SYT1: variants seen among roughly 807,000 people sequenced by gnomAD.
The protein encoded by SYT1 is synaptotagmin-1.
SYT1 carries 8 observed loss-of-function variants against 44.8 expected under a neutral mutation model. The ratio of observed to expected loss-of-function variants is 0.18; its 90% CI spans 0.10 to 0.32. The LOEUF is 0.32. SYT1 is among the 10% of genes least tolerant of loss of function. The pLI is 1.00. For missense variants in SYT1, 286 were observed against 509.3 expected, an observed-to-expected ratio of 0.56 and a Z score of 4.22; for synonymous variants, 154 against 188.8, an observed-to-expected ratio of 0.82 and a Z score of 1.51.
At chr12:79,213,066 A>C (rs1005830663) in intron 3 of SYT1, among the ~76,000 whole-genome samples, 1 of 152,142 alleles carries the variant, frequency 6.6e-6, no homozygotes, top group African/African-American at 2.4e-5. Flanking sequence ...GTGGTTTTTC[A>C]AACTGCAGGT....
chr12:79,153,838 C>T (rs1870427347), intron 3 of SYT1, among the ~76,000 whole-genome samples: 1 of 152,002 alleles, frequency 6.6e-6, no homozygotes, highest in Admixed American at 6.6e-5. Context: ...ATTTGAGGTT[C>T]AGAAATAAAA....
intron 4 of SYT1, among the ~76,000 whole-genome samples, chr12:79,260,073 A>G (rs1285479796): frequency 1.3e-5 from 2 of 152,204 alleles, no homozygotes; most frequent in Admixed American, 6.5e-5. Context: ...GATTTCTCTG[A>G]AACTGGAGAG....
intron 3 of SYT1, among the ~76,000 whole-genome samples, chr12:79,065,899 G>C (rs867501968): frequency 2.0e-5 from 3 of 151,776 alleles, no homozygotes; most frequent in Non-Finnish European, 4.4e-5. Context: ...TAAAAATTAC[G>C]GGGGGGAAGG....
chr12:79,356,144 GGAGA>G (rs150112488), intron 9 of SYT1, among the ~76,000 whole-genome samples: 3,350 of 151,642 alleles, frequency 0.022, 119 homozygotes, highest in African/African-American at 0.071. Context: ...GGGGCTTCTG[GGAGA>G]GAGAACAGCC....
chr12:78,932,150 C>A (rs1269640281), intron 1 of SYT1, among the ~76,000 whole-genome samples: 5 of 152,152 alleles, frequency 3.3e-5, no homozygotes, highest in Non-Finnish European at 7.4e-5. Flanking sequence ...TTTCATTCTT[C>A]CCCTGAATCT....
chr12:79,382,834 C>T (rs568227332), intron 9 of SYT1, among the ~76,000 whole-genome samples: 1 of 152,296 alleles, frequency 6.6e-6, no homozygotes, highest in East Asian at 1.9e-4. Flanking sequence ...GCAGTCCCCA[C>T]TTTGAATTAC....
chr12:78,931,474 A>C (rs1330098021), intron 1 of SYT1, among the ~76,000 whole-genome samples: 2 of 151,994 alleles, frequency 1.3e-5, no homozygotes, highest in Non-Finnish European at 2.9e-5. Context: ...AAAAAGAAAG[A>C]AAGAAAGAAA....
intron 8 of SYT1, among the ~76,000 whole-genome samples, chr12:79,336,460 A>AT: frequency 6.6e-6 from 1 of 150,382 alleles, no homozygotes; most frequent in African/African-American, 2.4e-5. Context: ...ATCTTTCTCT[A>AT]TTTTTCCTAC....
intron 4 of SYT1, among the ~76,000 whole-genome samples, chr12:79,264,106 ATAT>A (rs1025223907): frequency 6.6e-6 from 1 of 152,090 alleles, no homozygotes; most frequent in African/African-American, 2.4e-5. Context: ...TTGGGCAGTC[ATAT>A]TATTTTCTGT....
intron 2 of SYT1, among the ~76,000 whole-genome samples, chr12:79,001,239 C>T (rs1208581060): frequency 6.6e-6 from 1 of 150,396 alleles, no homozygotes; most frequent in Non-Finnish European, 1.5e-5. Context: ...ATTCTTTACA[C>T]ATTATGAAGT....
chr12:79,439,673 T>A (rs1870292066), intron 9 of SYT1, among the ~76,000 whole-genome samples: 1 of 152,174 alleles, frequency 6.6e-6, no homozygotes, highest in African/African-American at 2.4e-5. Context: ...ATGTGGTAAC[T>A]CAATTTAATT....
chr12:79,077,322 C>T (rs1194895184), intron 3 of SYT1, among the ~76,000 whole-genome samples: 1 of 152,192 alleles, frequency 6.6e-6, no homozygotes, highest in Non-Finnish European at 1.5e-5. Flanking sequence ...TTCCATGATA[C>T]AGTGCATTCA....
chr12:79,155,948 T>G (rs1870567101), intron 3 of SYT1, among the ~76,000 whole-genome samples: 1 of 152,212 alleles, frequency 6.6e-6, no homozygotes, highest in African/African-American at 2.4e-5. Context: ...CAGCCATTGT[T>G]ACATGTGTGG....
intron 4 of SYT1, among the ~76,000 whole-genome samples, chr12:79,262,885 CA>C (rs1227874786): frequency 1.3e-5 from 2 of 152,012 alleles, no homozygotes; most frequent in Non-Finnish European, 2.9e-5. Context: ...AACAAATAGG[CA>C]AAAAAGCAGC....
intron 3 of SYT1, among the ~76,000 whole-genome samples, chr12:79,208,629 A>G (rs559248274): frequency 1.3e-5 from 2 of 152,164 alleles, no homozygotes; most frequent in Non-Finnish European, 2.9e-5. Context: ...AAGAAGGAAG[A>G]GAGAAGACAT....
At chr12:79,394,726 A>G (rs1413423753) in intron 9 of SYT1, among the ~76,000 whole-genome samples, 4 of 152,234 alleles carry the variant, frequency 2.6e-5, no homozygotes, top group East Asian at 1.9e-4. Context: ...GAATTCATCA[A>G]AAACAGGTTT....
chr12:78,968,268 G>A (rs965295278), intron 1 of SYT1, among the ~76,000 whole-genome samples: 1 of 152,034 alleles, frequency 6.6e-6, no homozygotes, highest in Non-Finnish European at 1.5e-5. Context: ...CGGATTAGGA[G>A]TCTATTAGGT....
At chr12:79,408,708 T>A (rs921728231) in intron 9 of SYT1, among the ~76,000 whole-genome samples, 1 of 151,184 alleles carries the variant, frequency 6.6e-6, no homozygotes, top group African/African-American at 2.4e-5. Flanking sequence ...CTAGACCACA[T>A]TTTTTTCTTT....
intron 3 of SYT1, among the ~76,000 whole-genome samples, chr12:79,126,876 A>G (rs943536466): frequency 5.3e-5 from 8 of 152,180 alleles, no homozygotes; most frequent in Non-Finnish European, 1.0e-4. Flanking sequence ...TATGGTGTCT[A>G]TACTGAATTC....
Sources: gnomAD v4.1 joint callset for allele counts (sites outside exome capture counted in the v4.1 genomes callset) on GRCh38, gnomAD v4.1.1 for gene constraint, MANE v1.5 for transcripts, NCBI Gene and HGNC (gene_info 2026-07-23, HGNC 2026-07-21) for gene names.